Variants in CENPP observed in about 807,000 individuals in gnomAD.
CENPP encodes centromere protein P.
Under a neutral mutation model 35.6 loss-of-function variants are expected in CENPP, and 24 were observed. The ratio of observed to expected loss-of-function variants is 0.67; its 90% CI spans 0.49 to 0.95. The LOEUF is 0.95. Among genes scored for constraint, CENPP ranks in the 40% least tolerant of loss-of-function variants. CENPP has a pLI of 0.00. For synonymous variants in CENPP, 120 were observed against 125.5 expected, an observed-to-expected ratio of 0.96 and a Z score of 0.29; for missense variants, 332 against 345.3, an observed-to-expected ratio of 0.96 and a Z score of 0.31.
chr9:92,597,521 T>G (rs1850811884), intron 5 of CENPP, among the ~76,000 whole-genome samples: 1 of 152,250 alleles, frequency 6.6e-6, no homozygotes, highest in East Asian at 1.9e-4. Context: ...TAAAATTTTC[T>G]GTGTATATCT....
At chr9:92,335,889 T>G (rs76755298) in intron 2 of CENPP, among the ~76,000 whole-genome samples, 9 of 152,248 alleles carry the variant, frequency 5.9e-5, no homozygotes, top group South Asian at 2.1e-4. Flanking sequence ...GCGTATAAAC[T>G]TGATAATCAT....
At chr9:92,574,694 T>A (rs1420738251) in intron 5 of CENPP, among the ~76,000 whole-genome samples, 1 of 152,244 alleles carries the variant, frequency 6.6e-6, no homozygotes, top group East Asian at 1.9e-4. Flanking sequence ...ATTCCAGTGA[T>A]GTTTTTCGCA....
intron 5 of CENPP, among the ~76,000 whole-genome samples, chr9:92,547,337 T>C (rs12376036): frequency 6.6e-6 from 1 of 152,220 alleles, no homozygotes; most frequent in East Asian, 1.9e-4. Flanking sequence ...TATGTCCACA[T>C]GAAAACTTGA....
intron 5 of CENPP, among the ~76,000 whole-genome samples, chr9:92,451,479 A>G (rs1844707474): frequency 6.6e-6 from 1 of 151,104 alleles, no homozygotes; most frequent in Non-Finnish European, 1.5e-5. Flanking sequence ...TACCAGTACC[A>G]TGCTGTTTTG....
intron 5 of CENPP, among the ~76,000 whole-genome samples, chr9:92,577,787 T>A (rs1007261335): frequency 4.0e-5 from 6 of 151,828 alleles, no homozygotes; most frequent in Middle Eastern, 3.4e-3. Context: ...CTATCTTTTA[T>A]TTATTTATTT....
chr9:92,570,245 A>G (rs1007948809), intron 5 of CENPP, among the ~76,000 whole-genome samples: 1 of 152,108 alleles, frequency 6.6e-6, no homozygotes, highest in Non-Finnish European at 1.5e-5. Flanking sequence ...ATTTTGAGAT[A>G]TGTCCCATCA....
intron 5 of CENPP, among the ~76,000 whole-genome samples, chr9:92,433,176 G>T (rs12336415): frequency 0.37 from 55,518 of 152,010 alleles, 12,433 homozygotes; most frequent in African/African-American, 0.63. Context: ...CAAGGCACCA[G>T]CATTTGGCAA....
chr9:92,552,190 TAC>T (rs59704602), intron 5 of CENPP, among the ~76,000 whole-genome samples: 3,740 of 106,404 alleles, frequency 0.035, 189 homozygotes, highest in South Asian at 0.11. Flanking sequence ...ATCTATCATA[TAC>T]ACACACACAC....
intron 5 of CENPP, among the ~76,000 whole-genome samples, chr9:92,555,200 A>C (rs957616269): frequency 1.7e-5 from 2 of 117,110 alleles, no homozygotes; most frequent in African/African-American, 3.1e-5. Context: ...CTGGTCTTGG[A>C]CTTTTTTTTG....
chr9:92,390,084 C>T, intron 5 of CENPP: 1 of 1,296,708 alleles, frequency 7.7e-7, no homozygotes. Flanking sequence ...TAAAAAACAA[C>T]TACGTAAGTA....
rs1238688167 is a variant in CENPP, at chr9:92,619,861, AG to A, written c.*6714del. On this transcript the variant is annotated 3_prime_UTR_variant, in exon 8 of 8. Coordinates refer to ENST00000375587, the MANE Select transcript of CENPP (RefSeq NM_001012267.3). ...TGAGACGGATGATCTGTCTTCAGCA[AG>A]GTCACCACAGTCGGCCTTTGGAAGG... 4.6e-6 allele frequency: 2 copies of A among 430,662 alleles called. No individual in the cohort carries two copies. The highest frequency in any genetic ancestry group is 8.7e-6 in the Non-Finnish European group (2 of 231,202). The allele number at this position is 430,662 out of a possible 1,614,324, so 26.7% of individuals were successfully genotyped here.
intron 5 of CENPP, chr9:92,384,870 T>C (rs1465322166): frequency 2.0e-5 from 3 of 152,488 alleles, no homozygotes; most frequent in Non-Finnish European, 2.9e-5. Context: ...TCATTATTTC[T>C]TATAAGCATA....
rs2296671 is a variant in CENPP, at chr9:92,619,693, C to T, written c.*6544C>T. 3,387 of 838,820 alleles carry T rather than the reference C, an allele frequency of 4.0e-3. 51 individuals carry two copies. Among genetic ancestry groups the T allele is most frequent in the African/African-American group, 0.039 (2,358 of 60,028 alleles). The allele number at this position is 838,820 out of a possible 1,614,324, so 52.0% of individuals were successfully genotyped here. ...CAGAACCTGAGGGTGGGATTAGGAG[C>T]GAGGGCCACGGTGAGCACGGGCGTC... On this transcript the variant is annotated 3_prime_UTR_variant, in exon 8 of 8. Coordinates refer to ENST00000375587, the MANE Select transcript of CENPP (RefSeq NM_001012267.3).
At chr9:92,569,998 T>C (rs962895496) in intron 5 of CENPP, among the ~76,000 whole-genome samples, 1 of 152,358 alleles carries the variant, frequency 6.6e-6, no homozygotes, top group East Asian at 1.9e-4. Flanking sequence ...GATGGGGTTT[T>C]CTAAATATAA....
At chr9:92,599,319 C>G (rs1422496116) in intron 5 of CENPP, among the ~76,000 whole-genome samples, 1 of 152,156 alleles carries the variant, frequency 6.6e-6, no homozygotes, top group African/African-American at 2.4e-5. Context: ...TCACACAGGA[C>G]AGACCTCCCC....
intron 7 of CENPP, 83 bp from the exon 8 acceptor site, chr9:92,612,936 G>A: frequency 6.5e-7 from 1 of 1,534,638 alleles, no homozygotes; most frequent in Non-Finnish European, 9.0e-7. Flanking sequence ...GCGGGGTCTT[G>A]GTGAGGTCCA....
At chr9:92,443,899 GCAGTCCACC>G (rs1048203055) in intron 5 of CENPP, among the ~76,000 whole-genome samples, 1 of 152,076 alleles carries the variant, frequency 6.6e-6, no homozygotes, top group African/African-American at 2.4e-5. Context: ...CTGACCTCAG[GCAGTCCACC>G]CACTTCGGCC....
intron 5 of CENPP, among the ~76,000 whole-genome samples, chr9:92,479,926 A>C (rs754520165): frequency 6.6e-6 from 1 of 152,162 alleles, no homozygotes. Context: ...AAAATAATGG[A>C]ATGTCTAGGA....
intron 5 of CENPP, among the ~76,000 whole-genome samples, chr9:92,397,282 A>G (rs1374234773): frequency 3.3e-5 from 5 of 152,026 alleles, no homozygotes; most frequent in African/African-American, 7.2e-5. Context: ...TCCTGCCCCA[A>G]CCCTGAAATC....
Sources: allele counts gnomAD v4.1 joint callset (sites outside exome capture counted in the v4.1 genomes callset), GRCh38; gene constraint gnomAD v4.1.1; transcripts MANE v1.5; gene names NCBI Gene and HGNC (gene_info 2026-07-23, HGNC 2026-07-21).